Variants in PSPH observed in about 807,000 individuals in gnomAD.
PSPH encodes the protein phosphoserine phosphatase.
Under a neutral mutation model 23.4 loss-of-function variants are expected in PSPH, and 16 were observed. The observed-to-expected ratio is 0.68, with a 90% CI of 0.46 to 1.04. PSPH has a LOEUF of 1.04. Ranked by LOEUF, PSPH falls within the 50% of genes least tolerant of loss-of-function variation. PSPH has a pLI of 0.00. For missense variants in PSPH, 223 were observed against 273.7 expected (o/e 0.81, Z 1.31); for synonymous variants, 68 against 99.7 (o/e 0.68, Z 1.89).
chr7:56,026,934 G>A (rs977788572), intron 3 of PSPH, among the ~76,000 whole-genome samples: 2 of 152,048 alleles, frequency 1.3e-5, no homozygotes, highest in East Asian at 1.9e-4. Context: ...GGCCCGGCAC[G>A]GTGGCTCATG....
chr7:56,013,156 T>TACACACAC (rs34329610), intron 7 of PSPH, among the ~76,000 whole-genome samples: 4,154 of 142,094 alleles, frequency 0.029, 72 homozygotes, highest in Middle Eastern at 0.035. Flanking sequence ...TGTATGTGTA[T>TACACACAC]ACACACACAC....
chr7:56,051,049 T>G (rs1339759988), intron 1 of PSPH, 89 bp downstream of exon 1: 1 of 151,974 alleles, frequency 6.6e-6, no homozygotes. Context: ...AGAAAATAAA[T>G]AAAGTAAAAT....
intron 7 of PSPH, among the ~76,000 whole-genome samples, chr7:56,012,441 A>C (rs1183377001): frequency 6.6e-6 from 1 of 152,034 alleles, no homozygotes; most frequent in Non-Finnish European, 1.5e-5. Context: ...TCAGCCTCCC[A>C]AAGTGCTGGG....
chr7:56,047,037 G>C (rs967473614), intron 1 of PSPH, among the ~76,000 whole-genome samples: 7 of 152,080 alleles, frequency 4.6e-5, no homozygotes, highest in Middle Eastern at 3.2e-3. Context: ...GCACACAACA[G>C]ATCCATGGAG....
At chr7:56,047,673 T>A (rs1793434244) in intron 1 of PSPH, among the ~76,000 whole-genome samples, 1 of 151,266 alleles carries the variant, frequency 6.6e-6, no homozygotes, top group African/African-American at 2.4e-5. Flanking sequence ...AACCTGCTTT[T>A]TTTTTTTTTT....
intron 1 of PSPH, among the ~76,000 whole-genome samples, chr7:56,035,048 A>T (rs936227581): frequency 9.2e-5 from 14 of 152,106 alleles, no homozygotes; most frequent in African/African-American, 3.4e-4. Flanking sequence ...ATTTCTTTTT[A>T]AAAATTTTCT....
intron 1 of PSPH, among the ~76,000 whole-genome samples, chr7:56,034,380 A>T (rs1207571513): frequency 6.6e-6 from 1 of 152,144 alleles, no homozygotes. Context: ...TAGGATAAGG[A>T]TAGGTGAGGG....
intron 3 of PSPH, among the ~76,000 whole-genome samples, chr7:56,029,775 A>G (rs1790688392): frequency 6.6e-6 from 1 of 152,122 alleles, no homozygotes; most frequent in Non-Finnish European, 1.5e-5. Flanking sequence ...AAGGTCATGC[A>G]TAGTTGCGAG....
chr7:56,017,201 A>G lies in PSPH; in HGVS notation c.421+33T>C, dbSNP rs376670832. ...CAGAATACTGAACAATGGAACTGCT[A>G]AGAAAGGGAACATGTTACTGTTAAC... On this transcript the variant is annotated intron_variant, in intron 6 of 7. Coordinates refer to ENST00000275605, the MANE Select transcript of PSPH (RefSeq NM_004577.4). The G allele has an allele frequency of 9.9e-6, 16 of 1,613,416 alleles. 1 individual carries two copies. In the African/African-American group the frequency reaches 1.3e-4, roughly 13 times the overall value.
chr7:56,021,949 C>CA (rs753210160), intron 3 of PSPH, among the ~76,000 whole-genome samples: 4,826 of 41,132 alleles, frequency 0.12, 291 homozygotes, highest in Non-Finnish European at 0.15. Flanking sequence ...GACTCCGTCT[C>CA]AAAAAAAAAA....
At chr7:56,045,072 C>CAA (rs35552809) in intron 1 of PSPH, among the ~76,000 whole-genome samples, 20,716 of 117,052 alleles carry the variant, frequency 0.18, 1,871 homozygotes, top group Non-Finnish European at 0.2. Context: ...AACTCTGCCT[C>CAA]AAAAAAAAAA....
At chr7:56,048,088 G>T (rs991038882) in intron 1 of PSPH, among the ~76,000 whole-genome samples, 10 of 152,026 alleles carry the variant, frequency 6.6e-5, no homozygotes, top group African/African-American at 2.4e-4. Context: ...AAACCAGCCT[G>T]GCTAACATGG....
At chr7:56,023,524 A>G (rs1372920980) in intron 3 of PSPH, among the ~76,000 whole-genome samples, 4 of 151,934 alleles carry the variant, frequency 2.6e-5, no homozygotes, top group Non-Finnish European at 2.9e-5. Flanking sequence ...AGGTCTCCCA[A>G]ATTGCTGGGA....
intron 7 of PSPH, among the ~76,000 whole-genome samples, chr7:56,012,681 T>C (rs1385676738): frequency 3.3e-5 from 5 of 150,936 alleles, no homozygotes; most frequent in Non-Finnish European, 7.4e-5. Flanking sequence ...TCCAGCACTT[T>C]GGGAGGCTGA....
intron 3 of PSPH, among the ~76,000 whole-genome samples, chr7:56,028,372 G>A (rs1005072136): frequency 3.3e-5 from 5 of 151,982 alleles, no homozygotes; most frequent in East Asian, 1.9e-4. Context: ...CCACAGGCAC[G>A]CACCACCACA....
intron 5 of PSPH, 107 bp from the exon 6 acceptor site, chr7:56,017,486 C>T (rs144025271): frequency 2.0e-6 from 3 of 1,531,318 alleles, no homozygotes; most frequent in African/African-American, 2.8e-5. Flanking sequence ...CTCCTGAATG[C>T]ATTTGCCTGA....
intron 7 of PSPH, among the ~76,000 whole-genome samples, chr7:56,013,153 G>GTA (rs1228051176): frequency 3.0e-4 from 22 of 72,764 alleles, no homozygotes; most frequent in African/African-American, 5.3e-4. Context: ...ATGTGTATGT[G>GTA]TATACACACA....
intron 1 of PSPH, among the ~76,000 whole-genome samples, chr7:56,047,121 C>T (rs1173113422): frequency 3.0e-4 from 45 of 151,896 alleles, no homozygotes; most frequent in Non-Finnish European, 5.9e-5. Flanking sequence ...CAGTGGCTCA[C>T]GCCTGTAACC....
chr7:56,023,731 G>T (rs1004291840), intron 3 of PSPH, among the ~76,000 whole-genome samples: 27 of 151,946 alleles, frequency 1.8e-4, no homozygotes, highest in African/African-American at 6.3e-4. Flanking sequence ...CAAAGCAGTT[G>T]AACAACCCAC....
Sources: allele counts gnomAD v4.1 joint callset (sites outside exome capture counted in the v4.1 genomes callset), GRCh38; gene constraint gnomAD v4.1.1; transcripts MANE v1.5; gene names NCBI Gene and HGNC (gene_info 2026-07-23, HGNC 2026-07-21).